Variants in CEP83 observed in about 807,000 individuals in gnomAD.
The protein encoded by CEP83 is centrosomal protein of 83 kDa.
Under a neutral mutation model 101.9 loss-of-function variants are expected in CEP83, and 70 were observed. The observed-to-expected ratio is 0.69, with a 90% confidence interval of 0.57 to 0.84. CEP83 has a LOEUF of 0.84. CEP83 is among the 40% of genes least tolerant of loss of function. CEP83 has a pLI of 0.00. For synonymous variants in CEP83, 264 were observed against 267.9 expected (o/e 0.99, Z 0.14); for missense variants, 715 against 787.2 (o/e 0.91, Z 1.10).
intron 4 of CEP83, among the ~76,000 whole-genome samples, chr12:94,405,927 A>C (rs2063508808): frequency 6.6e-6 from 1 of 152,194 alleles, no homozygotes; most frequent in African/African-American, 2.4e-5. Flanking sequence ...ACTGATTAAC[A>C]CATGTGTGCA....
chr12:94,278,838 A>G, the CEP83 span, among the ~76,000 whole-genome samples: 1 of 152,162 alleles, frequency 6.6e-6, no homozygotes, highest in African/African-American at 2.4e-5. Flanking sequence ...TCTACTAAAA[A>G]AATACAAAAA....
At chr12:94,279,134 C>T in the CEP83 span, among the ~76,000 whole-genome samples, 2 of 152,134 alleles carry the variant, frequency 1.3e-5, no homozygotes, top group East Asian at 1.9e-4. Flanking sequence ...TACTGTGGAA[C>T]CCTTCCAATT....
chr12:94,412,470 G>A lies in CEP83; in HGVS notation c.21C>T (p.Thr7=), dbSNP rs765216312. ...AATTATTGGGAAAAGTGTCCATATC[G>A]GTAAATGTGCTGACAACCATGTAAA... The part of the protein sequence containing the change: MVVSTF[T]DMDTFPNNFP... Residue 7 remains threonine, a synonymous_variant, in exon 3 of 17, where the codon ACC becomes ACT. Transcript: ENST00000397809. The A allele has an allele frequency of 1.5e-5, 24 of 1,611,562 alleles. No individual in the cohort carries two copies. Among genetic ancestry groups the A allele is most frequent in the South Asian group, 3.3e-5 (3 of 90,588 alleles).
At chr12:94,298,869 A>G in the CEP83 span, 17 of 1,363,528 alleles carry the variant, frequency 1.2e-5, no homozygotes, top group Non-Finnish European at 1.6e-5. Context: ...AGACATAGAT[A>G]GTTATAGAAG....
chr12:94,427,891 T>G (rs1252279683), intron 2 of CEP83, among the ~76,000 whole-genome samples: 2 of 151,974 alleles, frequency 1.3e-5, no homozygotes, highest in Non-Finnish European at 2.9e-5. Context: ...ATGTCTTGCG[T>G]ACAAAAAAAA....
In CEP83 at chr12:94,382,052, T is replaced by C. The variant is rs186063710; in HGVS notation, c.550-3010A>G. On this transcript the variant is annotated intron_variant, in intron 6 of 16. Coordinates refer to ENST00000397809, the MANE Select transcript of CEP83 (RefSeq NM_016122.3). ...AATTTCCCTAACAGTAATAGGTCTATACAAACTGCCAATTTCACATTAAAT... is the reference window on the plus strand; with the variant it reads ...AATTTCCCTAACAGTAATAGGTCTACACAAACTGCCAATTTCACATTAAAT... Among the ~76,000 whole-genome samples the C allele has an allele frequency of 1.1e-3, 174 of 152,214 alleles. 1 individual carries two copies. The highest frequency in any genetic ancestry group is 3.4e-3 in the African/African-American group (140 of 41,558).
At chr12:94,286,745 G>A in the CEP83 span, among the ~76,000 whole-genome samples, 1 of 151,882 alleles carries the variant, frequency 6.6e-6, no homozygotes, top group Non-Finnish European at 1.5e-5. Flanking sequence ...CTGTAGTGAC[G>A]GCCAGTTCCT....
At chr12:94,360,208 A>T (rs928758480) in intron 11 of CEP83, among the ~76,000 whole-genome samples, 1 of 152,032 alleles carries the variant, frequency 6.6e-6, no homozygotes, top group Non-Finnish European at 1.5e-5. Flanking sequence ...TCCCCTAAGA[A>T]CTAGAACAAT....
chr12:94,273,276 G>C, the CEP83 span, among the ~76,000 whole-genome samples: 1 of 152,072 alleles, frequency 6.6e-6, no homozygotes, highest in Admixed American at 6.5e-5. Flanking sequence ...TCTTTCAGGT[G>C]GCAGGAGGTG....
rs555053609 is a variant in CEP83, at chr12:94,371,377, C to A, written c.934-1341G>T. On this transcript the variant is annotated intron_variant, in intron 8 of 16. Transcript: ENST00000397809. ...AATGTGTATAGACTGTGTCTGTGTG[C>A]GCATGTGCACAAGTATTAGGTAGGG... 1.7e-3 allele frequency among the ~76,000 whole-genome samples: 257 copies of A among 152,142 alleles called. 1 individual carries two copies. The highest frequency in any genetic ancestry group is 2.6e-3 in the Non-Finnish European group (180 of 68,004).
At chr12:94,297,969 G>A in the CEP83 span, among the ~76,000 whole-genome samples, 3 of 152,066 alleles carry the variant, frequency 2.0e-5, no homozygotes, top group African/African-American at 7.2e-5. Context: ...AGTCTGTGGT[G>A]ATCTTTTTTT....
In CEP83 at chr12:94,307,743, A is replaced by ATTAT. The variant is rs1969223522; in HGVS notation, c.*1066_*1069dup. On this transcript the variant is annotated 3_prime_UTR_variant, in exon 17 of 17. Transcript: ENST00000397809. ...TTTTATTCTAAGTGGCTCCGTGGAAATTATTTTTCAGAGATAAGGTGTCAC... is the reference window on the plus strand; with the variant it reads ...TTTTATTCTAAGTGGCTCCGTGGAAATTATTTATTTTTCAGAGATAAGGTGTCAC... The ATTAT allele has an allele frequency of 6.6e-6, 1 of 151,860 alleles. No homozygotes were observed. Among genetic ancestry groups the ATTAT allele is most frequent in the Admixed American group, 6.6e-5 (1 of 15,206 alleles). The allele number at this position is 151,860 out of a possible 1,614,324, so 9.4% of individuals were successfully genotyped here. A position where few individuals can be genotyped will look rare whatever the true frequency, so the allele number is the denominator to read the frequency against.
chr12:94,332,746 A>G (rs1252588493), intron 13 of CEP83, among the ~76,000 whole-genome samples: 2 of 152,158 alleles, frequency 1.3e-5, no homozygotes, highest in East Asian at 1.9e-4. Flanking sequence ...AACCCCATAT[A>G]AAAAAGCATG....
chr12:94,355,663 A>G (rs2060431866), intron 11 of CEP83, among the ~76,000 whole-genome samples: 1 of 152,194 alleles, frequency 6.6e-6, no homozygotes, highest in South Asian at 2.1e-4. Context: ...CAGCAATGTA[A>G]CATGTCCATA....
chr12:94,391,784 A>T (rs748140777), intron 6 of CEP83, among the ~76,000 whole-genome samples: 55 of 152,120 alleles, frequency 3.6e-4, no homozygotes, highest in Non-Finnish European at 1.2e-4. Context: ...AAGGAGGAAG[A>T]TCTACCAAGC....
intron 2 of CEP83, among the ~76,000 whole-genome samples, chr12:94,418,759 A>C (rs2064486301): frequency 6.6e-6 from 1 of 152,220 alleles, no homozygotes; most frequent in Non-Finnish European, 1.5e-5. Flanking sequence ...AATGCTGTGA[A>C]TGTAATAAAT....
intron 11 of CEP83, among the ~76,000 whole-genome samples, chr12:94,359,498 G>C (rs1353326148): frequency 6.6e-6 from 1 of 152,108 alleles, no homozygotes; most frequent in Non-Finnish European, 1.5e-5. Flanking sequence ...ACTATTATGA[G>C]CAACTGTAGG....
chr12:94,436,837 A>G (rs1035438875), intron 1 of CEP83, among the ~76,000 whole-genome samples: 12 of 151,682 alleles, frequency 7.9e-5, no homozygotes, highest in Admixed American at 4.6e-4. Context: ...AAAAAAAAAA[A>G]AAAGAAAGAA....
At chr12:94,356,611 A>C (rs1182200935) in intron 11 of CEP83, among the ~76,000 whole-genome samples, 1 of 152,238 alleles carries the variant, frequency 6.6e-6, no homozygotes, top group African/African-American at 2.4e-5. Context: ...GAAATATTAC[A>C]GCTATATTTG....
Sources: allele counts gnomAD v4.1 joint callset (sites outside exome capture counted in the v4.1 genomes callset), GRCh38; gene constraint gnomAD v4.1.1; transcripts MANE v1.5; gene names NCBI Gene and HGNC (gene_info 2026-07-23, HGNC 2026-07-21).